FGF13: variants seen among roughly 807,000 people sequenced by gnomAD.
FGF13 encodes fibroblast growth factor 13, also known as fibroblast growth factor homologous factor 2.
A neutral mutation model predicts 19.5 loss-of-function variants in FGF13; 2 were observed. The ratio of observed to expected loss-of-function variants is 0.10; its 90% CI spans 0.04 to 0.32. FGF13 has a LOEUF of 0.32. Among genes scored for constraint, FGF13 ranks in the 10% least tolerant of loss-of-function variants. The pLI, the probability that FGF13 is intolerant of heterozygous loss-of-function variation, is 1.00. For missense variants in FGF13, 113 were observed against 192.7 expected (o/e 0.59, Z 2.45); for synonymous variants, 72 against 76.9 (o/e 0.94, Z 0.33).
chrX:139,114,732 ATGACT>A (rs2124467333), intron 1 of FGF13, among the ~76,000 whole-genome samples: 1 of 112,062 alleles, frequency 8.9e-6, no homozygotes, highest in Middle Eastern at 4.6e-3. Flanking sequence ...TATATAAATG[ATGACT>A]TAACTAATCT....
chrX:139,188,888 C>G (rs1284223870), intron 1 of FGF13, among the ~76,000 whole-genome samples: 3 of 111,852 alleles, frequency 2.7e-5, no homozygotes, highest in African/African-American at 9.8e-5. Flanking sequence ...TTGCATTTGC[C>G]TTATGAGCCA....
rs1044175761 is a variant in FGF13, at chrX:138,627,308, T to A, written c.*5542A>T. On this transcript the variant is annotated 3_prime_UTR_variant, in exon 5 of 5. Transcript: ENST00000315930. ...TTACTCAATCATTATCCCATACGTT[T>A]CTCTTACTCTAATTGCTAACTTTAC... 6.3e-5 allele frequency: 7 copies of A among 111,675 alleles called. No homozygotes were observed. The East Asian group carries it at 2.0e-3, about 31-fold the overall frequency. The allele number at this position is 111,675 out of a possible 1,213,427, so 9.2% of individuals were successfully genotyped here. A position where few individuals can be genotyped will look rare whatever the true frequency, so the allele number is the denominator to read the frequency against.
At chrX:138,670,843 G>A (rs1302812596) in intron 3 of FGF13, among the ~76,000 whole-genome samples, 1 of 111,649 alleles carries the variant, frequency 9.0e-6, no homozygotes, top group East Asian at 2.8e-4. Flanking sequence ...GTCATCTGAG[G>A]ACAAGAGTTA....
chrX:139,099,395 A>AAAAAAAAAG (rs1426032660), intron 1 of FGF13, among the ~76,000 whole-genome samples: 4 of 108,334 alleles, frequency 3.7e-5, no homozygotes, highest in Non-Finnish European at 7.6e-5. Flanking sequence ...AAAAAAAAAA[A>AAAAAAAAAG]AAAGAAAGAA....
intron 1 of FGF13, among the ~76,000 whole-genome samples, chrX:138,877,690 C>A (rs779355700): frequency 3.6e-5 from 4 of 112,531 alleles, no homozygotes; most frequent in Non-Finnish European, 7.5e-5. Context: ...CCTTTGGTAA[C>A]TAGCTTCTTT....
chrX:138,750,076 C>T (rs1432860940), intron 3 of FGF13, among the ~76,000 whole-genome samples: 1 of 111,521 alleles, frequency 9.0e-6, no homozygotes, highest in Non-Finnish European at 1.9e-5. Flanking sequence ...CAACAGAACA[C>T]AGGGCCACTG....
intron 1 of FGF13, among the ~76,000 whole-genome samples, chrX:139,105,010 AAGT>A (rs2083549076): frequency 9.6e-6 from 1 of 103,783 alleles, no homozygotes; most frequent in Admixed American, 1.0e-4. Context: ...CATTTCTTTC[AAGT>A]TTTTTTTTTC....
rs1236930020 is a variant in FGF13 at position 138,901,289 on chromosome X, C to T, written c.-112-36639G>A. 6.3e-5 allele frequency among the ~76,000 whole-genome samples: 7 copies of T among 111,509 alleles called. No individual in the cohort carries two copies. The East Asian group carries it at 8.5e-4, about 14-fold the overall frequency. ...TCAGAATTTAGCATCTGGACTGATA[C>T]GCATTTATGAAATGATGAAGCGCAC... On this transcript the variant is annotated intron_variant, in intron 1 of 2. Transcript: ENST00000421460.
chrX:138,949,908 A>C (rs768686284), intron 1 of FGF13, among the ~76,000 whole-genome samples: 1 of 111,968 alleles, frequency 8.9e-6, no homozygotes, highest in Admixed American at 9.5e-5. Flanking sequence ...TTTGATGCAT[A>C]AGGCAAAAGG....
chrX:138,732,364 C>T (rs2090238687), intron 1 of FGF13, among the ~76,000 whole-genome samples: 1 of 112,008 alleles, frequency 8.9e-6, no homozygotes, highest in African/African-American at 3.2e-5. Flanking sequence ...AGAATAGATA[C>T]ACAAACTGGC....
At chrX:138,903,402 T>C (rs1253874413) in intron 1 of FGF13, among the ~76,000 whole-genome samples, 2 of 111,665 alleles carry the variant, frequency 1.8e-5, no homozygotes, top group Admixed American at 9.5e-5. Context: ...AATGAGTTTC[T>C]CTTGAGTATT....
chrX:138,791,289 G>A (rs2090740483), intron 3 of FGF13, among the ~76,000 whole-genome samples: 1 of 111,783 alleles, frequency 8.9e-6, no homozygotes, highest in South Asian at 3.8e-4. Context: ...GTGGAGGGGG[G>A]TTCTAGAACC....
chrX:138,735,232 T>C (rs1602762407), intron 1 of FGF13, among the ~76,000 whole-genome samples: 1 of 112,123 alleles, frequency 8.9e-6, no homozygotes, highest in East Asian at 2.8e-4. Context: ...ATATTTTGTA[T>C]TTACGCAGAG....
chrX:138,838,510 C>T (rs779815847), intron 3 of FGF13, among the ~76,000 whole-genome samples: 1 of 111,860 alleles, frequency 8.9e-6, no homozygotes, highest in South Asian at 3.9e-4. Flanking sequence ...CACACATTCA[C>T]TCAACTGCTT....
At chrX:139,145,654 C>A (rs1043593728) in intron 1 of FGF13, among the ~76,000 whole-genome samples, 2 of 110,116 alleles carry the variant, frequency 1.8e-5, no homozygotes, top group East Asian at 5.8e-4. Flanking sequence ...CCTTCCTCTA[C>A]CTAAAATCCT....
At chrX:139,035,252 T>G (rs981205381) in intron 1 of FGF13, among the ~76,000 whole-genome samples, 6 of 111,477 alleles carry the variant, frequency 5.4e-5, no homozygotes, top group African/African-American at 2.0e-4. Context: ...ACTGTATAAC[T>G]GTTCAAAAAT....
intron 3 of FGF13, among the ~76,000 whole-genome samples, chrX:138,681,461 C>G (rs2089728243): frequency 8.9e-6 from 1 of 112,817 alleles, no homozygotes; most frequent in South Asian, 3.6e-4. Flanking sequence ...AATGGTATGG[C>G]TGGTTCTATC....
chrX:139,047,865 T>C (rs2092292656), intron 1 of FGF13, among the ~76,000 whole-genome samples: 1 of 111,955 alleles, frequency 8.9e-6, no homozygotes, highest in Non-Finnish European at 1.9e-5. Context: ...CTCCTTTAAA[T>C]TGCCTATCCA....
intron 1 of FGF13, among the ~76,000 whole-genome samples, chrX:138,981,862 G>A (rs907033150): frequency 3.6e-5 from 4 of 110,294 alleles, no homozygotes; most frequent in Admixed American, 2.9e-4. Context: ...TGCTCTTACC[G>A]CCTGCCTTAA....
Sources: gnomAD v4.1 joint callset for allele counts (sites outside exome capture counted in the v4.1 genomes callset) on GRCh38, gnomAD v4.1.1 for gene constraint, MANE v1.5 for transcripts, NCBI Gene and HGNC (gene_info 2026-07-23, HGNC 2026-07-21) for gene names.